The following SCFD2 variants were observed in gnomAD, a reference collection of about 807,000 sequenced individuals.
The protein encoded by SCFD2 is sec1 family domain-containing protein 2.
A neutral mutation model predicts 58.9 loss-of-function variants in SCFD2; 54 were observed. That is an observed-to-expected ratio of 0.92 (90% confidence interval 0.74 to 1.15). SCFD2 has a LOEUF of 1.15. Among genes scored for constraint, SCFD2 ranks in the 50% most tolerant of loss-of-function variants. The probability of loss-of-function intolerance (pLI) is 0.00; values close to 1 mark genes in which losing one functional copy is unlikely to be tolerated. For synonymous variants in SCFD2, 321 were observed against 335.9 expected (o/e 0.96, Z 0.49); for missense variants, 805 against 836.6 (o/e 0.96, Z 0.47).
At chr4:53,354,802 C>CT (rs902678071) in intron 1 of SCFD2, among the ~76,000 whole-genome samples, 5 of 143,784 alleles carry the variant, frequency 3.5e-5, no homozygotes, top group Admixed American at 1.4e-4. Context: ...ATTTTTTTTT[C>CT]TTTTTTTTAG....
intron 4 of SCFD2, among the ~76,000 whole-genome samples, chr4:53,268,585 G>T (rs147880954): frequency 6.5e-4 from 99 of 152,282 alleles, no homozygotes; most frequent in African/African-American, 2.3e-3. Flanking sequence ...GTCAGAGCCT[G>T]CAGAATGAGG....
At chr4:53,025,560 T>A (rs1389335299) in intron 5 of SCFD2, among the ~76,000 whole-genome samples, 1 of 152,140 alleles carries the variant, frequency 6.6e-6, no homozygotes, top group Non-Finnish European at 1.5e-5. Flanking sequence ...CAAGTAGGAC[T>A]CTTATGCTAA....
chr4:53,051,425 T>C (rs1723188745), intron 5 of SCFD2, among the ~76,000 whole-genome samples: 1 of 152,122 alleles, frequency 6.6e-6, no homozygotes, highest in Non-Finnish European at 1.5e-5. Flanking sequence ...CAATCTTCTA[T>C]ACCACTCTTT....
chr4:53,167,224 G>A (rs1472177459), intron 4 of SCFD2, among the ~76,000 whole-genome samples: 1 of 152,064 alleles, frequency 6.6e-6, no homozygotes, highest in Non-Finnish European at 1.5e-5. Context: ...GCTCCCTACT[G>A]CGTATACCCA....
At chr4:53,132,531 GAA>G (rs1177928209) in intron 5 of SCFD2, among the ~76,000 whole-genome samples, 1 of 152,186 alleles carries the variant, frequency 6.6e-6, no homozygotes, top group Non-Finnish European at 1.5e-5. Context: ...TTCTGTAATG[GAA>G]AAGTCTAATG....
At chr4:53,026,205 C>T (rs1346601310) in intron 5 of SCFD2, among the ~76,000 whole-genome samples, 1 of 152,120 alleles carries the variant, frequency 6.6e-6, no homozygotes, top group African/African-American at 2.4e-5. Context: ...CTAGGAAACT[C>T]GCTGCTTTCA....
intron 4 of SCFD2, among the ~76,000 whole-genome samples, chr4:53,160,534 G>C (rs1217227253): frequency 1.3e-5 from 2 of 152,036 alleles, no homozygotes; most frequent in African/African-American, 4.8e-5. Context: ...AGAAAAGGAG[G>C]GGGTGTTTCA....
chr4:53,275,703 C>T (rs1446556883), intron 3 of SCFD2, among the ~76,000 whole-genome samples: 13 of 152,098 alleles, frequency 8.5e-5, no homozygotes, highest in Admixed American at 8.5e-4. Flanking sequence ...GGTTGATGAA[C>T]CCTTATCCGT....
chr4:53,113,987 G>T (rs1560341822), intron 5 of SCFD2, among the ~76,000 whole-genome samples: 1 of 147,072 alleles, frequency 6.8e-6, no homozygotes, highest in Non-Finnish European at 1.5e-5. Context: ...GCAGCTTAGT[G>T]TAATGGTTAG....
chr4:52,898,446 C>T (rs1289643159), intron 7 of SCFD2, among the ~76,000 whole-genome samples: 1 of 152,176 alleles, frequency 6.6e-6, no homozygotes, highest in Non-Finnish European at 1.5e-5. Context: ...GTTCAGTTTC[C>T]ATGTAGCTGA....
intron 4 of SCFD2, among the ~76,000 whole-genome samples, chr4:53,255,197 T>TATTTATTTA (rs71662213): frequency 7.1e-6 from 1 of 140,620 alleles, no homozygotes; most frequent in Non-Finnish European, 1.5e-5. Flanking sequence ...TTTTTTTCTT[T>TATTTATTTA]TTTATTTATT....
chr4:53,009,649 C>A (rs185196984), intron 5 of SCFD2, among the ~76,000 whole-genome samples: 286 of 152,248 alleles, frequency 1.9e-3, no homozygotes, highest in Non-Finnish European at 3.1e-3. Flanking sequence ...TTATATATAA[C>A]CTCCATTTAT....
intron 4 of SCFD2, among the ~76,000 whole-genome samples, chr4:53,269,882 T>G (rs1353795538): frequency 6.6e-6 from 1 of 152,088 alleles, no homozygotes; most frequent in African/African-American, 2.4e-5. Context: ...AAAAATTAGC[T>G]GGGCGTGGTG....
rs568151591 is a variant in SCFD2 at position 53,177,167 on chromosome 4, G to C, written c.1312-31585C>G. Among the ~76,000 whole-genome samples the C allele has an allele frequency of 9.2e-5, 14 of 152,252 alleles. No homozygotes were observed. In the South Asian group the frequency reaches 1.0e-3, roughly 11 times the overall value. On this transcript the variant is annotated intron_variant, in intron 4 of 8. Transcript: ENST00000401642. ...AGTGCCAGATAGAAGAGATACATTG[G>C]TGAATAAACAACATAGGTCATCCCC...
intron 3 of SCFD2, among the ~76,000 whole-genome samples, chr4:53,299,183 G>T (rs956089262): frequency 6.6e-6 from 1 of 152,184 alleles, no homozygotes; most frequent in East Asian, 1.9e-4. Flanking sequence ...TGGCAAAGAA[G>T]TTAAAAACTT....
At chr4:52,912,082 A>G (rs1054355934) in intron 6 of SCFD2, among the ~76,000 whole-genome samples, 1 of 151,584 alleles carries the variant, frequency 6.6e-6, no homozygotes, top group African/African-American at 2.4e-5. Context: ...TTTAGTAAAC[A>G]ATCAGTATGC....
intron 5 of SCFD2, among the ~76,000 whole-genome samples, chr4:52,979,998 A>G (rs1721340324): frequency 6.6e-6 from 1 of 152,174 alleles, no homozygotes; most frequent in Non-Finnish European, 1.5e-5. Context: ...ATTGCACAGC[A>G]CAGGTCCAAG....
intron 4 of SCFD2, among the ~76,000 whole-genome samples, chr4:53,159,401 T>TC (rs1373794011): frequency 6.6e-6 from 1 of 152,148 alleles, no homozygotes; most frequent in Non-Finnish European, 1.5e-5. Context: ...CATTTTCGTC[T>TC]CCAGGGCTTC....
chr4:53,098,562 T>C (rs763787433), intron 5 of SCFD2, among the ~76,000 whole-genome samples: 5 of 152,090 alleles, frequency 3.3e-5, no homozygotes, highest in African/African-American at 4.8e-5. Flanking sequence ...GGTGGTGATA[T>C]CCCATTTTGT....
Sources: allele counts gnomAD v4.1 joint callset (sites outside exome capture counted in the v4.1 genomes callset), GRCh38; gene constraint gnomAD v4.1.1; transcripts MANE v1.5; gene names NCBI Gene and HGNC (gene_info 2026-07-23, HGNC 2026-07-21).